Variants in GLRA3 observed in about 807,000 individuals in gnomAD.
The protein encoded by GLRA3 is glycine receptor subunit alpha-3.
In GLRA3, 44 loss-of-function variants were observed where a neutral mutation model predicts 60.4. That is an observed-to-expected ratio of 0.73 (90% CI 0.57 to 0.94). The LOEUF (loss-of-function observed/expected upper bound fraction) is 0.94, where lower values mean the gene tolerates loss of function less well. GLRA3 is among the 40% of genes least tolerant of loss of function. GLRA3 has a pLI of 0.00. For missense variants in GLRA3, 508 were observed against 564.6 expected, an observed-to-expected ratio of 0.90 and a Z score of 1.02; for synonymous variants, 223 against 192.9, an observed-to-expected ratio of 1.16 and a Z score of -1.29.
At chr4:174,723,605 T>C (rs1384530179) in intron 4 of GLRA3, among the ~76,000 whole-genome samples, 1 of 152,072 alleles carries the variant, frequency 6.6e-6, no homozygotes, top group East Asian at 1.9e-4. Flanking sequence ...TGCTACCTGG[T>C]GATATATTTT....
chr4:174,760,530 T>G (rs900316077), intron 3 of GLRA3, among the ~76,000 whole-genome samples: 1 of 152,182 alleles, frequency 6.6e-6, no homozygotes. Context: ...ACAATGATTT[T>G]TTTTTTTTGA....
chr4:174,670,741 A>G lies in GLRA3; in HGVS notation c.927+6337T>C, dbSNP rs148177007. Among the ~76,000 whole-genome samples the G allele has an allele frequency of 3.8e-3, 583 of 152,226 alleles. 7 individuals are homozygous for G. Among genetic ancestry groups the G allele is most frequent in the African/African-American group, 0.014 (563 of 41,530 alleles). On this transcript the variant is annotated intron_variant, in intron 7 of 9. Coordinates refer to ENST00000274093, the MANE Select transcript of GLRA3 (RefSeq NM_006529.4). ...ATTTTTCAGCTTGATGGAATCTAAT[A>G]TTTCTAGTAAAGTAGGTCCTAAGTA... is the stretch of plus-strand genomic sequence containing the variant.
intron 5 of GLRA3, among the ~76,000 whole-genome samples, chr4:174,695,488 C>T (rs1735017209): frequency 6.6e-6 from 1 of 152,178 alleles, no homozygotes; most frequent in Admixed American, 6.5e-5. Context: ...AGACAAAAAT[C>T]ACATGATTAT....
chr4:174,814,370 A>G (rs1398413454), intron 1 of GLRA3, among the ~76,000 whole-genome samples: 1 of 152,152 alleles, frequency 6.6e-6, no homozygotes, highest in Non-Finnish European at 1.5e-5. Flanking sequence ...GCCATCCCTG[A>G]GCGAAATTTT....
At chr4:174,828,666 C>T (rs1200107111) in intron 1 of GLRA3, 75 bp downstream of exon 1, 6 of 875,570 alleles carry the variant, frequency 6.9e-6, no homozygotes, top group Non-Finnish European at 9.8e-6. Context: ...TTCCCGGTCT[C>T]ATCAATAACA....
At chr4:174,692,250 C>A (rs936292941) in intron 5 of GLRA3, among the ~76,000 whole-genome samples, 1 of 149,908 alleles carries the variant, frequency 6.7e-6, no homozygotes, top group Admixed American at 6.6e-5. Context: ...GCCAGCCGCC[C>A]CATCCGCGAG....
intron 1 of GLRA3, among the ~76,000 whole-genome samples, chr4:174,804,769 A>C (rs144234212): frequency 7.9e-5 from 12 of 152,276 alleles, no homozygotes; most frequent in Admixed American, 2.6e-4. Context: ...TTCTACAGTG[A>C]AATTCAGAAG....
At chr4:174,763,360 G>A (rs1333251763) in intron 3 of GLRA3, among the ~76,000 whole-genome samples, 1 of 151,982 alleles carries the variant, frequency 6.6e-6, no homozygotes, top group African/African-American at 2.4e-5. Context: ...AACAATTACA[G>A]CTTGCCAAAG....
intron 9 of GLRA3, among the ~76,000 whole-genome samples, chr4:174,646,385 G>A (rs1347199232): frequency 6.6e-6 from 1 of 152,184 alleles, no homozygotes; most frequent in Non-Finnish European, 1.5e-5. Context: ...TTAATACCCA[G>A]CCTGGGCTGT....
At chr4:174,796,522 T>C (rs1052427075) in intron 1 of GLRA3, among the ~76,000 whole-genome samples, 7 of 152,076 alleles carry the variant, frequency 4.6e-5, no homozygotes, top group African/African-American at 1.2e-4. Flanking sequence ...CATTTTTACA[T>C]AGTCTATCCC....
chr4:174,726,075 G>A (rs1376939731), intron 4 of GLRA3, among the ~76,000 whole-genome samples: 1 of 152,220 alleles, frequency 6.6e-6, no homozygotes, highest in Non-Finnish European at 1.5e-5. Context: ...GATGTCCCAG[G>A]TGTAAGCATG....
chr4:174,784,443 T>C (rs1739034370), intron 2 of GLRA3, among the ~76,000 whole-genome samples: 2 of 145,658 alleles, frequency 1.4e-5, no homozygotes, highest in Admixed American at 6.9e-5. Context: ...AATGTGCACA[T>C]GTACCCTAAA....
intron 3 of GLRA3, among the ~76,000 whole-genome samples, chr4:174,761,296 C>T (rs754404695): frequency 1.3e-5 from 2 of 151,824 alleles, no homozygotes; most frequent in African/African-American, 2.4e-5. Context: ...AGGTATCTCT[C>T]GAGAATCTAA....
Position 174,643,760 on chromosome 4 carries a change from A to G in GLRA3, c.*26T>C. ...AGAGACACTTTCTTCTGAATTGACC[A>G]TTTGCATTTGCATGCCCCCAGAGAC... On this transcript the variant is annotated 3_prime_UTR_variant, in exon 10 of 10. Transcript: ENST00000274093. The G allele has an allele frequency of 6.2e-7, 1 of 1,602,114 alleles. No individual in the cohort carries two copies. The highest frequency in any genetic ancestry group is 1.1e-5 in the South Asian group (1 of 89,878).
At chr4:174,761,553 A>T (rs1737945234) in intron 3 of GLRA3, among the ~76,000 whole-genome samples, 1 of 152,188 alleles carries the variant, frequency 6.6e-6, no homozygotes, top group Non-Finnish European at 1.5e-5. Context: ...TTTTATGGGC[A>T]CTGGTGAAAA....
chr4:174,703,223 G>A (rs1735391151), intron 5 of GLRA3, among the ~76,000 whole-genome samples: 1 of 152,168 alleles, frequency 6.6e-6, no homozygotes, highest in Non-Finnish European at 1.5e-5. Context: ...TGGAACATTT[G>A]TCATACAAAC....
Position 174,668,286 on chromosome 4 carries a change from G to A in GLRA3, c.927+8792C>T, listed in dbSNP as rs1169871859. ...TGAAAAATGGACTAAAACAAGTCCA[G>A]AGAAATAGATGGTTTGCATATATCT... is the stretch of plus-strand genomic sequence containing the variant. On this transcript the variant is annotated intron_variant, in intron 7 of 9. Coordinates refer to ENST00000274093, the MANE Select transcript of GLRA3 (RefSeq NM_006529.4). Among the ~76,000 whole-genome samples the A allele has an allele frequency of 2.0e-5, 3 of 152,130 alleles. No individual in the cohort carries two copies. In the East Asian group the frequency reaches 5.8e-4, roughly 29 times the overall value.
intron 2 of GLRA3, among the ~76,000 whole-genome samples, chr4:174,772,141 T>G (rs915221946): frequency 6.6e-6 from 1 of 152,120 alleles, no homozygotes; most frequent in African/African-American, 2.4e-5. Flanking sequence ...ATGGATGAAA[T>G]ACAGAAAATA....
In GLRA3 at chr4:174,694,759, G is replaced by A. The variant is rs113370908; in HGVS notation, c.575-11820C>T. On this transcript the variant is annotated intron_variant, in intron 5 of 9. Transcript: ENST00000274093. ...TCAGAGTGGCACAGAAGGAAATCAA[G>A]CCACAAAAAAGCCATTCGAAAGCCA... is the stretch of plus-strand genomic sequence containing the variant. 2.7e-3 allele frequency among the ~76,000 whole-genome samples: 404 copies of A among 151,898 alleles called. 3 individuals are homozygous for A. Among genetic ancestry groups the A allele is most frequent in the African/African-American group, 9.4e-3 (390 of 41,500 alleles).
Sources: allele counts gnomAD v4.1 joint callset (sites outside exome capture counted in the v4.1 genomes callset), GRCh38; gene constraint gnomAD v4.1.1; transcripts MANE v1.5; gene names NCBI Gene and HGNC (gene_info 2026-07-23, HGNC 2026-07-21).